The following CHL1 variants were observed in gnomAD, a reference collection of about 807,000 sequenced individuals.
CHL1 encodes the protein cell adhesion molecule L1 like, also known as neural cell adhesion molecule L1-like protein.
A neutral mutation model predicts 141.9 loss-of-function variants in CHL1; 96 were observed. The observed-to-expected ratio is 0.68, with a 90% CI of 0.57 to 0.80. CHL1 has a LOEUF of 0.80. Ranked by LOEUF, CHL1 falls within the 30% of genes least tolerant of loss-of-function variation. CHL1 has a pLI of 0.00. For synonymous variants in CHL1, 613 were observed against 502.2 expected (o/e 1.22, Z -2.95); for missense variants, 1,820 against 1,457.2 (o/e 1.25, Z -4.05).
intron 27 of CHL1, 48 bp downstream of exon 27, chr3:401,746 G>T (rs1364018775): frequency 1.8e-6 from 2 of 1,097,670 alleles, no homozygotes; most frequent in South Asian, 1.5e-5. Flanking sequence ...TCATCATGTT[G>T]AAAGCTTAAG....
chr3:301,185 T>C (rs1176909030), intron 2 of CHL1, among the ~76,000 whole-genome samples: 2 of 151,956 alleles, frequency 1.3e-5, no homozygotes, highest in Non-Finnish European at 2.9e-5. Flanking sequence ...GACCCCAGAG[T>C]GTCTACATTA....
intron 19 of CHL1, among the ~76,000 whole-genome samples, chr3:387,925 C>T (rs1707891394): frequency 6.6e-6 from 1 of 152,014 alleles, no homozygotes; most frequent in South Asian, 2.1e-4. Context: ...ATGTCACTAC[C>T]CTTTCAACTT....
chr3:214,619 G>A (rs1700158616), intron 1 of CHL1, among the ~76,000 whole-genome samples: 1 of 152,034 alleles, frequency 6.6e-6, no homozygotes, highest in South Asian at 2.1e-4. Context: ...TCACTTTTTA[G>A]AAAGATATAG....
intron 2 of CHL1, among the ~76,000 whole-genome samples, chr3:306,730 T>C (rs1196712667): frequency 6.6e-6 from 1 of 151,724 alleles, no homozygotes; most frequent in Admixed American, 6.5e-5. Context: ...TATGAAACAG[T>C]ATAGAGATAA....
At chr3:378,517 C>T (rs150385673) in intron 16 of CHL1, among the ~76,000 whole-genome samples, 28 of 152,310 alleles carry the variant, frequency 1.8e-4, no homozygotes, top group African/African-American at 6.0e-4. Flanking sequence ...CTCCTGAAAT[C>T]ACCAATGTTT....
intron 2 of CHL1, among the ~76,000 whole-genome samples, chr3:300,816 G>A (rs866190345): frequency 6.6e-6 from 1 of 152,162 alleles, no homozygotes; most frequent in Non-Finnish European, 1.5e-5. Flanking sequence ...GATATGAAAG[G>A]TTTCCGAAGA....
rs183717400 is a variant in CHL1 at position 408,607 on chromosome 3, C to G, written c.*2896C>G. On this transcript the variant is annotated 3_prime_UTR_variant, in exon 28 of 28. Coordinates refer to ENST00000256509, the MANE Select transcript of CHL1 (RefSeq NM_006614.4). Reference sequence around the variant, plus strand: ...ACTAATTATGTATCTGAAAGTCACCCCCACATACCAACTCAACTTTTTTCC... The same window carrying G: ...ACTAATTATGTATCTGAAAGTCACCGCCACATACCAACTCAACTTTTTTCC... The G allele has an allele frequency of 3.9e-5, 6 of 152,094 alleles. No individual in the cohort carries two copies. In the East Asian group the frequency reaches 5.8e-4, roughly 15 times the overall value. 9.4% of individuals were successfully genotyped at this position (152,094 alleles called of 1,614,324 possible). A position where few individuals can be genotyped will look rare whatever the true frequency, so the allele number is the denominator to read the frequency against.
intron 2 of CHL1, among the ~76,000 whole-genome samples, chr3:275,571 C>T (rs1436479095): frequency 6.6e-6 from 1 of 152,178 alleles, no homozygotes. Context: ...ATATTTACTG[C>T]TTTGTTGCAG....
At chr3:405,176 G>A (rs763780438) in intron 27 of CHL1, among the ~76,000 whole-genome samples, 1 of 152,150 alleles carries the variant, frequency 6.6e-6, no homozygotes, top group African/African-American at 2.4e-5. Flanking sequence ...GACCATAGCA[G>A]CCACTGTGGA....
At chr3:402,571 A>T (rs1394869253) in intron 27 of CHL1, among the ~76,000 whole-genome samples, 3 of 152,206 alleles carry the variant, frequency 2.0e-5, no homozygotes, top group African/African-American at 7.2e-5. Flanking sequence ...GTTTATATTA[A>T]AGAAGAAATC....
chr3:243,855 G>C (rs1372299321), intron 1 of CHL1, among the ~76,000 whole-genome samples: 1 of 152,190 alleles, frequency 6.6e-6, no homozygotes, highest in Admixed American at 6.5e-5. Context: ...AGTTATGACA[G>C]CTGGTATGCA....
In CHL1 at chr3:321,820, A is replaced by G. The variant is rs199501808; in HGVS notation, c.91+1953A>G. Among the ~76,000 whole-genome samples the G allele has an allele frequency of 3.9e-5, 6 of 152,194 alleles. No individual in the cohort carries two copies. The East Asian group carries it at 1.2e-3, about 29-fold the overall frequency. ...AGAGCACTCACAAATAAATGCAACT[A>G]AGGCAGATATCCAATTTGAATGTCA... On this transcript the variant is annotated intron_variant, in intron 3 of 27. Transcript: ENST00000256509.
intron 2 of CHL1, among the ~76,000 whole-genome samples, chr3:255,615 A>G (rs996109868): frequency 3.3e-5 from 5 of 152,238 alleles, no homozygotes; most frequent in Non-Finnish European, 7.3e-5. Context: ...TGCTCAATGG[A>G]TGCAAGTTGG....
At position 267,792 on chromosome 3, in the gene CHL1, A is replaced by G. The variant is rs556465898; in HGVS notation, c.-95+23100A>G. ...ACAAATATTCTCCCTAAGACTCAAG[A>G]TGTGTTTTCTTAAGAAAATAGATTT... is the stretch of plus-strand genomic sequence containing the variant. On this transcript the variant is annotated intron_variant, in intron 2 of 27. Transcript: ENST00000256509. 1.5e-4 allele frequency among the ~76,000 whole-genome samples: 23 copies of G among 152,366 alleles called. No homozygotes were observed. In the South Asian group the frequency reaches 4.8e-3, roughly 32 times the overall value.
At chr3:291,831 T>C (rs1697720351) in intron 2 of CHL1, among the ~76,000 whole-genome samples, 1 of 152,234 alleles carries the variant, frequency 6.6e-6, no homozygotes, top group African/African-American at 2.4e-5. Flanking sequence ...AACATATGTC[T>C]GCAGAAGGAT....
chr3:266,882 G>C (rs1002645507), intron 2 of CHL1, among the ~76,000 whole-genome samples: 1 of 152,146 alleles, frequency 6.6e-6, no homozygotes, highest in African/African-American at 2.4e-5. Flanking sequence ...GAGCTGGAGA[G>C]ATTTCCTAAT....
At chr3:245,346 C>T (rs1693063988) in intron 2 of CHL1, among the ~76,000 whole-genome samples, 1 of 152,104 alleles carries the variant, frequency 6.6e-6, no homozygotes, top group Admixed American at 6.6e-5. Flanking sequence ...TTTGATGACC[C>T]ATTTTGTAAA....
chr3:204,977 A>C (rs944492266), intron 1 of CHL1, among the ~76,000 whole-genome samples: 1 of 152,240 alleles, frequency 6.6e-6, no homozygotes, highest in South Asian at 2.1e-4. Flanking sequence ...CTTTACCACT[A>C]TTCCACCACA....
At chr3:334,809 G>A (rs571378855) in intron 5 of CHL1, among the ~76,000 whole-genome samples, 4 of 152,206 alleles carry the variant, frequency 2.6e-5, no homozygotes, top group Admixed American at 2.6e-4. Flanking sequence ...GTATTAATTA[G>A]GATCCTTAAG....
Sources: gnomAD v4.1 joint callset for allele counts (sites outside exome capture counted in the v4.1 genomes callset) on GRCh38, gnomAD v4.1.1 for gene constraint, MANE v1.5 for transcripts, NCBI Gene and HGNC (gene_info 2026-07-23, HGNC 2026-07-21) for gene names.